The following UTRN variants were observed in gnomAD, a reference collection of about 807,000 sequenced individuals.
The protein encoded by UTRN is dystrophin-related protein 1.
UTRN carries 283 observed loss-of-function variants against 463.9 expected under a neutral mutation model. The ratio of observed to expected loss-of-function variants is 0.61; its 90% CI spans 0.55 to 0.67. UTRN has a LOEUF of 0.67. Ranked by LOEUF, UTRN falls within the 30% of genes least tolerant of loss-of-function variation. UTRN has a pLI of 0.00. For missense variants in UTRN, 3,922 were observed against 4,084.3 expected (o/e 0.96, Z 1.08); for synonymous variants, 1,442 against 1,431.5 (o/e 1.01, Z -0.17).
At chr6:144,372,030 G>C (rs542289386) in intron 2 of UTRN, among the ~76,000 whole-genome samples, 5 of 152,324 alleles carry the variant, frequency 3.3e-5, no homozygotes, top group African/African-American at 9.6e-5. Context: ...AGAATAGACA[G>C]TGTTTAAAGG....
At chr6:144,733,630 A>C (rs1416450228) in intron 54 of UTRN, among the ~76,000 whole-genome samples, 1 of 152,118 alleles carries the variant, frequency 6.6e-6, no homozygotes, top group Non-Finnish European at 1.5e-5. Flanking sequence ...TGATTTTGGA[A>C]CTGTCTTGTC....
intron 2 of UTRN, among the ~76,000 whole-genome samples, chr6:144,308,124 C>T (rs1805914455): frequency 1.3e-5 from 2 of 152,170 alleles, no homozygotes; most frequent in Non-Finnish European, 2.9e-5. Context: ...CCACCGCTCA[C>T]TCTCATTTCT....
chr6:144,779,453 A>G (rs1385565171), intron 60 of UTRN, among the ~76,000 whole-genome samples: 2 of 152,230 alleles, frequency 1.3e-5, no homozygotes, highest in African/African-American at 4.8e-5. Flanking sequence ...TCTACAACAA[A>G]GTAAGCTAGA....
rs1304795386 is a variant in UTRN, at chr6:144,290,686, A to G, written c.-92-1051A>G. 2.7e-5 allele frequency among the ~76,000 whole-genome samples: 4 copies of G among 149,572 alleles called. No individual in the cohort carries two copies. The East Asian group carries it at 5.9e-4, about 22-fold the overall frequency. On this transcript the variant is annotated intron_variant, in intron 1 of 74. Transcript: ENST00000367545. Reference sequence around the variant, plus strand: ...TAGGTTCCTTAATTTGCATTTTGCTATATTCTGCCATAGTCTTCACTGGTT... The same window carrying G: ...TAGGTTCCTTAATTTGCATTTTGCTGTATTCTGCCATAGTCTTCACTGGTT...
intron 2 of UTRN, among the ~76,000 whole-genome samples, chr6:144,393,770 A>G (rs73594978): frequency 0.041 from 6,308 of 152,276 alleles, 411 homozygotes; most frequent in African/African-American, 0.14. Context: ...CTTTGCTCCA[A>G]TGATTCTCCA....
chr6:144,699,955 G>A (rs1423418052), intron 52 of UTRN, 132 bp from the exon 53 acceptor site: 3 of 598,672 alleles, frequency 5.0e-6, no homozygotes, highest in Admixed American at 7.8e-5. Flanking sequence ...TTTACAAGGA[G>A]TCAGTCTCTT....
Position 144,748,404 on chromosome 6 carries a change from A to G in UTRN, c.8098A>G (p.Met2700Val), listed in dbSNP as rs1286450053. 6.8e-6 allele frequency: 11 copies of G among 1,613,788 alleles called. No homozygotes were observed. In the Admixed American group the frequency reaches 8.3e-5, roughly 12 times the overall value. ...GAAACTCAGAGACCTGCAGGGAGCT[A>G]TGGATGACCTGGACGCTGACATGAA... ...LEKLRDLQGA[M>V]DDLDADMKEA... Residue 2700 changes from methionine to valine, a missense_variant, in exon 55 of 75, where the codon ATG (methionine) becomes GTG (valine). This residue lies in a region of UTRN where 1,309 missense variants were observed against 1,452.6 expected (regional missense o/e 0.90). Transcript: ENST00000367545.
intron 51 of UTRN, among the ~76,000 whole-genome samples, chr6:144,597,551 G>T (rs1803784953): frequency 6.6e-6 from 1 of 152,120 alleles, no homozygotes; most frequent in South Asian, 2.1e-4. Context: ...ATTTAACAAG[G>T]CTTGCAACTG....
rs1005131753 is a variant in UTRN at position 144,388,182 on chromosome 6, C to T, written c.80-14941C>T. On this transcript the variant is annotated intron_variant, in intron 2 of 74. Transcript: ENST00000367545. ...TTTTGGCTCTTGGCTTTCTGTCATA[C>T]GTACACTTACGTATAAGTGAAGCAC... is the stretch of plus-strand genomic sequence containing the variant. Among the ~76,000 whole-genome samples the T allele has an allele frequency of 5.3e-5, 8 of 152,192 alleles. No homozygotes were observed. The East Asian group carries it at 9.6e-4, about 18-fold the overall frequency.
intron 65 of UTRN, among the ~76,000 whole-genome samples, chr6:144,818,394 C>A (rs73596514): frequency 0.026 from 3,930 of 152,180 alleles, 175 homozygotes; most frequent in African/African-American, 0.09. Flanking sequence ...CTGTACCTTA[C>A]CCTTTCTGAG....
At chr6:144,623,016 A>G (rs887326918) in intron 51 of UTRN, among the ~76,000 whole-genome samples, 1 of 152,232 alleles carries the variant, frequency 6.6e-6, no homozygotes, top group African/African-American at 2.4e-5. Flanking sequence ...AGTTCTCCCA[A>G]TCAGCCAGAT....
At chr6:144,460,891 A>G (rs761588153) in intron 21 of UTRN, among the ~76,000 whole-genome samples, 1 of 152,192 alleles carries the variant, frequency 6.6e-6, no homozygotes, top group Non-Finnish European at 1.5e-5. Context: ...GGAAGAGGAG[A>G]TTATATGGAA....
intron 33 of UTRN, among the ~76,000 whole-genome samples, chr6:144,496,939 A>G (rs1793704694): frequency 6.6e-6 from 1 of 152,216 alleles, no homozygotes; most frequent in African/African-American, 2.4e-5. Flanking sequence ...GCAGTGTGGT[A>G]CATTTATGTG....
At position 144,590,046 on chromosome 6, in the gene UTRN, A is replaced by C. The variant is rs571945004; in HGVS notation, c.7479+12758A>C. Among the ~76,000 whole-genome samples the C allele has an allele frequency of 4.6e-5, 7 of 151,910 alleles. No homozygotes were observed. In the South Asian group the frequency reaches 1.5e-3, roughly 32 times the overall value. On this transcript the variant is annotated intron_variant, in intron 51 of 74. Coordinates refer to ENST00000367545, the MANE Select transcript of UTRN (RefSeq NM_007124.3). ...TAATTTTTTTGTATTTTTTTTGTGG[A>C]GACAGGGCCTCACTATGTTGCGCCG...
intron 63 of UTRN, 145 bp downstream of exon 63, chr6:144,794,136 A>G: frequency 8.4e-7 from 1 of 1,185,476 alleles, no homozygotes; most frequent in Non-Finnish European, 1.1e-6. Context: ...TTTATTTCCT[A>G]AGGCTCATTT....
At chr6:144,549,391 A>G (rs1798703527) in intron 47 of UTRN, among the ~76,000 whole-genome samples, 1 of 152,250 alleles carries the variant, frequency 6.6e-6, no homozygotes, top group South Asian at 2.1e-4. Context: ...GGAAACTACA[A>G]TGAAATAATA....
intron 46 of UTRN, among the ~76,000 whole-genome samples, chr6:144,546,245 T>C (rs958677346): frequency 2.0e-5 from 3 of 152,166 alleles, no homozygotes; most frequent in South Asian, 4.1e-4. Flanking sequence ...TCTGGATTAC[T>C]TGGCCCAGTT....
intron 7 of UTRN, among the ~76,000 whole-genome samples, chr6:144,426,992 T>A (rs1184824690): frequency 6.6e-6 from 1 of 152,226 alleles, no homozygotes; most frequent in Admixed American, 6.5e-5. Context: ...ATTAAGACTA[T>A]GCAGTACTAT....
intron 2 of UTRN, among the ~76,000 whole-genome samples, chr6:144,349,482 T>C (rs1242889036): frequency 6.6e-6 from 1 of 152,196 alleles, no homozygotes; most frequent in African/African-American, 2.4e-5. Flanking sequence ...ATTCATGATG[T>C]TACACATTTT....
Sources: allele counts gnomAD v4.1 joint callset (sites outside exome capture counted in the v4.1 genomes callset), GRCh38; gene constraint gnomAD v4.1.1; regional missense constraint gnomAD v4.1.1; transcripts MANE v1.5; gene names NCBI Gene and HGNC (gene_info 2026-07-23, HGNC 2026-07-21).